The following DNAH9 variants were observed in gnomAD, a reference collection of about 807,000 sequenced individuals.
DNAH9 encodes the protein dynein axonemal heavy chain 9, also known as DNAH9 variant protein.
Under a neutral mutation model 471.6 loss-of-function variants are expected in DNAH9, and 345 were observed. The observed-to-expected ratio is 0.73, with a 90% CI of 0.67 to 0.80. The LOEUF (loss-of-function observed/expected upper bound fraction) is 0.80. Ranked by LOEUF, DNAH9 falls within the 30% of genes least tolerant of loss-of-function variation. The probability of loss-of-function intolerance (pLI) is 0.00; values close to 1 mark genes in which losing one functional copy is unlikely to be tolerated. For synonymous variants in DNAH9, 2,093 were observed against 2,123.6 expected (o/e 0.99, Z 0.40); for missense variants, 5,407 against 5,609.2 (o/e 0.96, Z 1.15).
intron 24 of DNAH9, among the ~76,000 whole-genome samples, chr17:11,702,564 C>T (rs566462246): frequency 1.8e-4 from 28 of 152,060 alleles, no homozygotes; most frequent in Admixed American, 1.0e-3. Context: ...ACCAGTAAAG[C>T]AGAATAAGAA....
intron 20 of DNAH9, among the ~76,000 whole-genome samples, chr17:11,693,237 CTTTTTTT>C (rs776422086): frequency 3.9e-5 from 3 of 77,438 alleles, no homozygotes; most frequent in Admixed American, 3.7e-4. Context: ...TTAAAATGCC[CTTTTTTT>C]TTTTTTTTTT....
At chr17:11,795,251 C>T (rs1165998856) in intron 42 of DNAH9, among the ~76,000 whole-genome samples, 1 of 152,114 alleles carries the variant, frequency 6.6e-6, no homozygotes, top group Non-Finnish European at 1.5e-5. Flanking sequence ...GATATAGTAG[C>T]ACAACCTGAG....
At chr17:11,646,410 C>T (rs2073391819) in intron 11 of DNAH9, among the ~76,000 whole-genome samples, 1 of 152,170 alleles carries the variant, frequency 6.6e-6, no homozygotes, top group South Asian at 2.1e-4. Flanking sequence ...ATTTGTATCC[C>T]CGAAGTCCAG....
intron 67 of DNAH9, among the ~76,000 whole-genome samples, chr17:11,960,621 T>C (rs140011098): frequency 0.046 from 6,935 of 151,274 alleles, 563 homozygotes; most frequent in African/African-American, 0.16. Flanking sequence ...TAGCTGGGCA[T>C]AGTGACAGAT....
chr17:11,902,330 G>T (rs1232636205), intron 59 of DNAH9, among the ~76,000 whole-genome samples: 1 of 152,124 alleles, frequency 6.6e-6, no homozygotes, highest in South Asian at 2.1e-4. Context: ...GAACTGACAG[G>T]GTTTGGTGGC....
At chr17:11,652,613 G>A (rs1254928961) in intron 13 of DNAH9, 148 bp from the exon 14 acceptor site, 3 of 774,866 alleles carry the variant, frequency 3.9e-6, no homozygotes, top group Non-Finnish European at 6.1e-6. Context: ...CAACTAGGAG[G>A]GAGAATATTC....
At chr17:11,816,900 A>G (rs1970119060) in intron 45 of DNAH9, among the ~76,000 whole-genome samples, 2 of 152,118 alleles carry the variant, frequency 1.3e-5, no homozygotes, top group South Asian at 4.1e-4. Context: ...TCTACTACAA[A>G]TACAAAAAAT....
intron 7 of DNAH9, among the ~76,000 whole-genome samples, chr17:11,629,946 G>T (rs1420000620): frequency 6.6e-6 from 1 of 152,098 alleles, no homozygotes; most frequent in Non-Finnish European, 1.5e-5. Flanking sequence ...GACCCAGAAA[G>T]ACAAATGTTG....
chr17:11,773,518 A>C (rs1349393131), intron 38 of DNAH9, among the ~76,000 whole-genome samples: 1 of 152,014 alleles, frequency 6.6e-6, no homozygotes, highest in Non-Finnish European at 1.5e-5. Flanking sequence ...GAAATATATA[A>C]AAATTTACTC....
chr17:11,946,357 G>A (rs940890247), intron 67 of DNAH9, among the ~76,000 whole-genome samples: 5 of 151,400 alleles, frequency 3.3e-5, no homozygotes, highest in African/African-American at 1.2e-4. Flanking sequence ...ACCATCACAC[G>A]TTTGAATGAT....
chr17:11,816,524 A>T (rs1970102635), intron 45 of DNAH9, among the ~76,000 whole-genome samples: 1 of 152,222 alleles, frequency 6.6e-6, no homozygotes. Flanking sequence ...TGAAATAGCC[A>T]CCACACTCAC....
chr17:11,689,987 C>G lies in DNAH9; in HGVS notation c.4165C>G (p.Leu1389Val). Residue 1389 changes from leucine to valine, a missense_variant, in exon 20 of 69, where the codon CTG (leucine) becomes GTG (valine). Transcript: ENST00000262442. Reference protein sequence around the residue: ...PAIRERHWRQLMQATGVSFTM... With the variant: ...PAIRERHWRQVMQATGVSFTM... ...CATCCGGGAGCGGCACTGGAGGCAG[C>G]TGATGCAGGCCACCGGTGTGAGCTT... is the stretch of plus-strand genomic sequence containing the variant. The G allele has an allele frequency of 2.5e-6, 4 of 1,614,100 alleles. No homozygotes were observed. Among genetic ancestry groups the G allele is most frequent in the Non-Finnish European group, 3.4e-6 (4 of 1,179,994 alleles).
intron 61 of DNAH9, among the ~76,000 whole-genome samples, chr17:11,919,322 T>C (rs73298499): frequency 0.19 from 27,908 of 150,704 alleles, 2,571 homozygotes; most frequent in East Asian, 0.27. Flanking sequence ...GGTGAAACCC[T>C]ATCTCTACTA....
In DNAH9 at chr17:11,782,524, C is replaced by T. The variant is rs374079021; in HGVS notation, c.7719-1122C>T. ...TACATCTTACCTAAGGCCAAACCTT[C>T]CACCAGCCTCTTCATTCTACCGTCT... On this transcript the variant is annotated intron_variant, in intron 39 of 68. Coordinates refer to ENST00000262442, the MANE Select transcript of DNAH9 (RefSeq NM_001372.4). 2.3e-4 allele frequency among the ~76,000 whole-genome samples: 35 copies of T among 152,312 alleles called. No homozygotes were observed. In the East Asian group the frequency reaches 3.3e-3, roughly 14 times the overall value.
chr17:11,768,689 C>A, intron 37 of DNAH9, 63 bp downstream of exon 37: 1 of 1,567,094 alleles, frequency 6.4e-7, no homozygotes, highest in Non-Finnish European at 8.7e-7. Flanking sequence ...GCAGTGGCTC[C>A]AGTAGCAGCC....
intron 67 of DNAH9, among the ~76,000 whole-genome samples, chr17:11,952,583 G>A (rs1039189968): frequency 6.6e-6 from 1 of 152,088 alleles, no homozygotes; most frequent in Non-Finnish European, 1.5e-5. Flanking sequence ...GTAAGGCCAA[G>A]GACAATGGAT....
intron 9 of DNAH9, among the ~76,000 whole-genome samples, chr17:11,637,016 A>G (rs2073179303): frequency 6.6e-6 from 1 of 152,200 alleles, no homozygotes; most frequent in African/African-American, 2.4e-5. Flanking sequence ...AGCGTGGTAC[A>G]GTCTTCACTG....
intron 2 of DNAH9, 105 bp from the exon 3 acceptor site, chr17:11,610,291 T>C (rs1481138632): frequency 2.2e-5 from 20 of 893,682 alleles, no homozygotes; most frequent in Non-Finnish European, 6.6e-6. Context: ...TTCTCACCTA[T>C]TTTTTTAAAT....
At chr17:11,700,399 GC>G (rs1236623073) in intron 23 of DNAH9, among the ~76,000 whole-genome samples, 1 of 152,040 alleles carries the variant, frequency 6.6e-6, no homozygotes, top group African/African-American at 2.4e-5. Flanking sequence ...TCCAGGAACT[GC>G]CTCCTCCAAA....
Sources: gnomAD v4.1 joint callset for allele counts (sites outside exome capture counted in the v4.1 genomes callset) on GRCh38, gnomAD v4.1.1 for gene constraint, MANE v1.5 for transcripts, NCBI Gene and HGNC (gene_info 2026-07-23, HGNC 2026-07-21) for gene names.